The following PDCD10 variants were observed in gnomAD, a reference collection of about 807,000 sequenced individuals.
PDCD10 encodes programmed cell death 10.
A neutral mutation model predicts 29.2 loss-of-function variants in PDCD10; 4 were observed. The observed-to-expected ratio is 0.14, with a 90% CI of 0.07 to 0.31. The LOEUF (loss-of-function observed/expected upper bound fraction) is 0.31, where lower values mean the gene tolerates loss of function less well. PDCD10 is among the 10% of genes least tolerant of loss of function. The probability of loss-of-function intolerance (pLI) is 1.00; values close to 1 mark genes in which losing one functional copy is unlikely to be tolerated. For synonymous variants in PDCD10, 70 were observed against 82.2 expected (o/e 0.85, Z 0.80); for missense variants, 183 against 257.9 (o/e 0.71, Z 1.99).
chr3:167,693,886 G>A (rs1420588751), intron 6 of PDCD10, among the ~76,000 whole-genome samples: 1 of 152,152 alleles, frequency 6.6e-6, no homozygotes, highest in East Asian at 1.9e-4. Flanking sequence ...AGCCCAGGAG[G>A]TTGAGGGTGC....
intron 4 of PDCD10, among the ~76,000 whole-genome samples, chr3:167,699,715 C>T (rs975921753): frequency 6.6e-6 from 1 of 152,122 alleles, no homozygotes; most frequent in African/African-American, 2.4e-5. Context: ...GTCTGGAAGA[C>T]GGACAACCTA....
intron 6 of PDCD10, among the ~76,000 whole-genome samples, chr3:167,693,329 G>T (rs917005078): frequency 6.6e-6 from 1 of 152,136 alleles, no homozygotes; most frequent in African/African-American, 2.4e-5. Flanking sequence ...AATCTAAAAA[G>T]CCACGTATCA....
At chr3:167,686,062 G>C (rs543236587) in intron 8 of PDCD10, among the ~76,000 whole-genome samples, 5 of 152,152 alleles carry the variant, frequency 3.3e-5, no homozygotes, top group South Asian at 4.2e-4. Flanking sequence ...TGAATATAGA[G>C]ATCTTAAAAC....
Position 167,734,084 on chromosome 3 carries a change from C to G in PDCD10, c.-117+130G>C, listed in dbSNP as rs528609890. The G allele has an allele frequency of 2.0e-5, 3 of 152,280 alleles. No homozygotes were observed. In the East Asian group the frequency reaches 5.8e-4, roughly 29 times the overall value. 9.4% of individuals were successfully genotyped at this position (152,280 alleles called of 1,614,324 possible). On this transcript the variant is annotated intron_variant, in intron 2 of 8. Coordinates refer to ENST00000392750, the MANE Select transcript of PDCD10 (RefSeq NM_007217.4). ...AACGTCCCTACTCTAAAGCTGGACT[C>G]GAACCGAACTAGATTCAGAAAGTCT...
intron 3 of PDCD10, among the ~76,000 whole-genome samples, chr3:167,715,995 C>T (rs1722968383): frequency 6.6e-6 from 1 of 151,914 alleles, no homozygotes; most frequent in Non-Finnish European, 1.5e-5. Flanking sequence ...GCATTGTTCA[C>T]AACAGCCAAG....
At chr3:167,685,237 A>C (rs1382162568) in intron 8 of PDCD10, among the ~76,000 whole-genome samples, 1 of 151,934 alleles carries the variant, frequency 6.6e-6, no homozygotes, top group East Asian at 1.9e-4. Context: ...ACATGGTGAA[A>C]CCTTGTCTCT....
chr3:167,686,961 C>T (rs900444449), intron 8 of PDCD10, among the ~76,000 whole-genome samples: 2 of 152,168 alleles, frequency 1.3e-5, no homozygotes, highest in African/African-American at 4.8e-5. Flanking sequence ...ACTACAACAG[C>T]AGAGATGGGT....
intron 6 of PDCD10, among the ~76,000 whole-genome samples, chr3:167,690,395 T>C (rs989778320): frequency 6.6e-6 from 1 of 152,202 alleles, no homozygotes; most frequent in African/African-American, 2.4e-5. Context: ...AAAAAATCTA[T>C]TCTGAACCCT....
chr3:167,690,393 T>A (rs539863127), intron 6 of PDCD10, among the ~76,000 whole-genome samples: 1 of 152,338 alleles, frequency 6.6e-6, no homozygotes, highest in East Asian at 1.9e-4. Flanking sequence ...TGAAAAAATC[T>A]ATTCTGAACC....
At chr3:167,691,868 C>G (rs1720279188) in intron 6 of PDCD10, among the ~76,000 whole-genome samples, 1 of 152,118 alleles carries the variant, frequency 6.6e-6, no homozygotes, top group South Asian at 2.1e-4. Flanking sequence ...TGTGGCCTTA[C>G]CTAATTTTCT....
chr3:167,707,247 A>C (rs934992443), intron 3 of PDCD10, among the ~76,000 whole-genome samples: 17 of 152,228 alleles, frequency 1.1e-4, no homozygotes, highest in African/African-American at 3.9e-4. Flanking sequence ...AAGTTTCTTC[A>C]GGGTTGGTAA....
At chr3:167,703,108 C>T (rs1235016094) in intron 4 of PDCD10, among the ~76,000 whole-genome samples, 4 of 152,046 alleles carry the variant, frequency 2.6e-5, no homozygotes, top group Non-Finnish European at 4.4e-5. Flanking sequence ...CTCTCTGTTC[C>T]TGGCATTAGA....
chr3:167,709,047 C>T (rs1361895474), intron 3 of PDCD10, among the ~76,000 whole-genome samples: 2 of 152,088 alleles, frequency 1.3e-5, no homozygotes, highest in Non-Finnish European at 2.9e-5. Context: ...TAATTATGAT[C>T]ACTTCCTGAT....
chr3:167,720,454 A>G (rs1009835059), intron 2 of PDCD10, among the ~76,000 whole-genome samples, 181 bp from the exon 3 acceptor site: 1 of 152,126 alleles, frequency 6.6e-6, no homozygotes, highest in Non-Finnish European at 1.5e-5. Context: ...AAGACTCAAC[A>G]ACTGCCCTTT....
chr3:167,729,739 A>G (rs891413763), intron 2 of PDCD10, among the ~76,000 whole-genome samples: 1 of 152,178 alleles, frequency 6.6e-6, no homozygotes, highest in Non-Finnish European at 1.5e-5. Context: ...GCAATTTCAC[A>G]AGTAATATGC....
At chr3:167,734,603 C>G (rs147380653) in intron 1 of PDCD10, 59 bp downstream of exon 1, 1 of 152,476 alleles carries the variant, frequency 6.6e-6, no homozygotes, top group African/African-American at 2.4e-5. Flanking sequence ...CGGGCCCAAG[C>G]CGGCAGGCGG....
rs1351937833 is a variant in PDCD10 at position 167,714,519 on chromosome 3, A to G, written c.96+5543T>C. On this transcript the variant is annotated intron_variant, in intron 3 of 8. Transcript: ENST00000392750. ...GAAGTCAAATTATCCTTGTTTGTAG[A>G]TGATATGATCTTATATTTGGAGAAA... Among the ~76,000 whole-genome samples, 3 of 152,068 alleles carry G rather than the reference A, an allele frequency of 2.0e-5. No individual in the cohort carries two copies. In the South Asian group the frequency reaches 6.2e-4, roughly 31 times the overall value.
At chr3:167,690,590 T>G (rs552300067) in intron 6 of PDCD10, among the ~76,000 whole-genome samples, 14 of 152,342 alleles carry the variant, frequency 9.2e-5, no homozygotes, top group African/African-American at 3.4e-4. Context: ...CAAATTAATT[T>G]TATAACATAT....
At chr3:167,712,652 A>T (rs1577354606) in intron 3 of PDCD10, among the ~76,000 whole-genome samples, 1 of 151,984 alleles carries the variant, frequency 6.6e-6, no homozygotes, top group Non-Finnish European at 1.5e-5. Context: ...GGACTAAACT[A>T]GTCAAAAGAA....
Sources: allele counts gnomAD v4.1 joint callset (sites outside exome capture counted in the v4.1 genomes callset), GRCh38; gene constraint gnomAD v4.1.1; transcripts MANE v1.5; gene names NCBI Gene and HGNC (gene_info 2026-07-23, HGNC 2026-07-21).